The following PDYN variants were observed in gnomAD, a reference collection of about 807,000 sequenced individuals.
The protein encoded by PDYN is prodynorphin, also known as proenkephalin-B.
Under a neutral mutation model 11.4 loss-of-function variants are expected in PDYN, and 5 were observed. That is an observed-to-expected ratio of 0.44 (90% CI 0.23 to 0.92). The LOEUF is 0.92. PDYN is among the 40% of genes least tolerant of loss of function. PDYN has a pLI of 0.24. For missense variants in PDYN, 337 were observed against 317.3 expected (o/e 1.06, Z -0.47); for synonymous variants, 132 against 129.5 (o/e 1.02, Z -0.13).
chr20:1,982,970 G>C lies in PDYN; in HGVS notation c.115C>G (p.Pro39Ala). 6.2e-7 allele frequency: 1 copy of C among 1,613,984 alleles called. No individual in the cohort carries two copies. The highest frequency in any genetic ancestry group is 1.1e-5 in the South Asian group (1 of 91,072). Reference protein sequence around the residue: ...CAVKTQDGPKPINPLICSLQC... With the variant: ...CAVKTQDGPKAINPLICSLQC... Reference sequence around the variant, plus strand: ...CTGAAACCTACCAGGGGATTGATAGGTTTGGGACCATCCTGGGTCTTTACA... The same window carrying C: ...CTGAAACCTACCAGGGGATTGATAGCTTTGGGACCATCCTGGGTCTTTACA... Residue 39 changes from proline (P) to alanine (A), a missense_variant, in exon 3 of 4, where the codon CCT becomes GCT. Pro to Ala is a conservative substitution (Grantham distance 27). Coordinates refer to ENST00000217305, the MANE Select transcript of PDYN (RefSeq NM_024411.5).
At chr20:1,991,443 A>C (rs1988443478) in intron 2 of PDYN, among the ~76,000 whole-genome samples, 1 of 152,170 alleles carries the variant, frequency 6.6e-6, no homozygotes, top group African/African-American at 2.4e-5. Flanking sequence ...CAGGAGCATC[A>C]GTCTGGATCC....
chr20:1,986,392 C>T (rs531462999), intron 2 of PDYN, among the ~76,000 whole-genome samples: 66 of 152,288 alleles, frequency 4.3e-4, no homozygotes, highest in African/African-American at 1.5e-3. Context: ...CTGGAGTAGC[C>T]TCCAATCTTT....
At chr20:1,989,066 C>A (rs1401865348) in intron 2 of PDYN, among the ~76,000 whole-genome samples, 1 of 152,196 alleles carries the variant, frequency 6.6e-6, no homozygotes, top group Non-Finnish European at 1.5e-5. Flanking sequence ...GGTTTGCTGA[C>A]CGTACTTTGA....
intron 3 of PDYN, among the ~76,000 whole-genome samples, chr20:1,981,966 T>TAAATAAA (rs1218931315): frequency 9.3e-6 from 1 of 107,096 alleles, no homozygotes; most frequent in Non-Finnish European, 1.8e-5. Context: ...AAATAAATAA[T>TAAATAAA]AACTTCTGGC....
intron 3 of PDYN, among the ~76,000 whole-genome samples, chr20:1,981,674 C>G (rs559846262): frequency 6.6e-6 from 1 of 152,144 alleles, no homozygotes; most frequent in East Asian, 1.9e-4. Context: ...GCCTGTAATC[C>G]CAGCACTTTG....
intron 2 of PDYN, among the ~76,000 whole-genome samples, chr20:1,984,405 C>T (rs772384127): frequency 6.6e-5 from 10 of 152,138 alleles, no homozygotes; most frequent in Non-Finnish European, 1.2e-4. Context: ...TCATAGTCTC[C>T]TATCTATCTG....
chr20:1,980,137 C>T lies in PDYN; in HGVS notation c.*186G>A. On this transcript the variant is annotated 3_prime_UTR_variant, in exon 4 of 4. Transcript: ENST00000217305. ...TGTGGGGAAGGGACATCCACCCTTC[C>T]CCATCACAGACCCCAGAGAAATAAC... 1.4e-6 allele frequency: 1 copy of T among 694,964 alleles called. No individual in the cohort carries two copies. Among genetic ancestry groups the T allele is most frequent in the Non-Finnish European group, 2.5e-6 (1 of 396,902 alleles). The allele number at this position is 694,964 out of a possible 1,614,324, so 43.0% of individuals were successfully genotyped here. A position where few individuals can be genotyped will look rare whatever the true frequency, so the allele number is the denominator to read the frequency against.
chr20:1,981,486 G>A (rs887241857), intron 3 of PDYN, among the ~76,000 whole-genome samples: 4 of 152,146 alleles, frequency 2.6e-5, no homozygotes, highest in South Asian at 2.1e-4. Flanking sequence ...TCATAATGAC[G>A]ATGACAATAG....
chr20:1,987,249 A>G (rs1366720391), intron 2 of PDYN, among the ~76,000 whole-genome samples: 1 of 69,058 alleles, frequency 1.4e-5, no homozygotes, highest in African/African-American at 7.7e-5. Context: ...TGAGTGATTG[A>G]TGAATGAATG....
At chr20:1,984,432 G>A (rs1988042531) in intron 2 of PDYN, among the ~76,000 whole-genome samples, 1 of 152,120 alleles carries the variant, frequency 6.6e-6, no homozygotes, top group African/African-American at 2.4e-5. Context: ...GGTTGTTGTT[G>A]GTGGTGTGTA....
In PDYN at chr20:1,980,870, G is replaced by A. The variant is rs773291582; in HGVS notation, c.218C>T (p.Thr73Ile). The change falls in exon 4 of 4, where the codon ACC becomes ATC. Residue 73 changes from threonine to isoleucine, a missense_variant. Thr to Ile is a moderately conservative substitution (Grantham distance 89, BLOSUM62 -1). Transcript: ENST00000217305. ...GTCCTCCTTGTCATTGAGCCCAAGGGTGGAGGGGGTGAAAAAAGACAGAAA... is the reference window on the plus strand; with the variant it reads ...GTCCTCCTTGTCATTGAGCCCAAGGATGGAGGGGGTGAAAAAAGACAGAAA... The part of the protein sequence containing the change: ...QSFLSFFTPS[T>I]LGLNDKEDLG... The A allele has an allele frequency of 4.3e-6, 7 of 1,614,226 alleles. No individual in the cohort carries two copies. The highest frequency in any genetic ancestry group is 2.2e-5 in the East Asian group (1 of 44,886).
intron 3 of PDYN, among the ~76,000 whole-genome samples, chr20:1,981,930 A>AT (rs1300424451): frequency 2.8e-5 from 4 of 140,676 alleles, no homozygotes; most frequent in African/African-American, 1.2e-4. Flanking sequence ...TGTCTCAAAC[A>AT]AAAATAAATA....
At chr20:1,984,423 G>A (rs114378236) in intron 2 of PDYN, among the ~76,000 whole-genome samples, 120 of 152,230 alleles carry the variant, frequency 7.9e-4, no homozygotes, top group African/African-American at 2.9e-3. Flanking sequence ...CTGATGCTTG[G>A]TTGTTGTTGG....
At chr20:1,982,764 C>T (rs1029227897) in intron 3 of PDYN, among the ~76,000 whole-genome samples, 192 bp downstream of exon 3, 5 of 152,182 alleles carry the variant, frequency 3.3e-5, no homozygotes, top group Admixed American at 6.5e-5. Flanking sequence ...CCCATGATGG[C>T]GAGGTCTGGA....
At chr20:1,990,903 A>C (rs1988409122) in intron 2 of PDYN, among the ~76,000 whole-genome samples, 1 of 151,670 alleles carries the variant, frequency 6.6e-6, no homozygotes, top group Non-Finnish European at 1.5e-5. Flanking sequence ...ACAGAAAAAG[A>C]GACCGAGACA....
intron 2 of PDYN, among the ~76,000 whole-genome samples, chr20:1,984,124 G>A (rs750654418): frequency 1.1e-4 from 17 of 152,142 alleles, no homozygotes; most frequent in Non-Finnish European, 1.5e-4. Context: ...TTAGCTATGC[G>A]AGTCTTCAGG....
chr20:1,982,992 T>A lies in PDYN; in HGVS notation c.93A>T (p.Val31=). 6.2e-7 allele frequency: 1 copy of A among 1,614,064 alleles called. No individual in the cohort carries two copies. Among genetic ancestry groups the A allele is most frequent in the Non-Finnish European group, 8.5e-7 (1 of 1,179,946 alleles). The change falls in exon 3 of 4, where the codon GTA becomes GTT. Residue 31 remains valine (V), a synonymous_variant. Coordinates refer to ENST00000217305, the MANE Select transcript of PDYN (RefSeq NM_024411.5). Reference sequence around the variant, plus strand: ...TAGGTTTGGGACCATCCTGGGTCTTTACAGCACACAAGGAGCACCGCGACA... The same window carrying A: ...TAGGTTTGGGACCATCCTGGGTCTTAACAGCACACAAGGAGCACCGCGACA... ...DCLSRCSLCA[V]KTQDGPKPIN...
rs1350555755 is a variant in PDYN, at chr20:1,983,097, A to G, written c.-13T>C. 19 of 1,612,522 alleles carry G rather than the reference A, an allele frequency of 1.2e-5. No homozygotes were observed. In the Admixed American group the frequency reaches 2.7e-4, roughly 23 times the overall value. ...CCTGCCAGGCCATCCTGTCTCAGCA[A>G]TTCCTGCTGGGGAGGAAGAAAGAGA... is the stretch of plus-strand genomic sequence containing the variant. On this transcript the variant is annotated 5_prime_UTR_variant, in exon 3 of 4. Transcript: ENST00000217305.
In PDYN at chr20:1,982,088, C is replaced by T. The variant is rs184676149; in HGVS notation, c.129+868G>A. Among the ~76,000 whole-genome samples, 27 of 151,696 alleles carry T rather than the reference C, an allele frequency of 1.8e-4. No homozygotes were observed. The East Asian group carries it at 4.7e-3, about 26-fold the overall frequency. On this transcript the variant is annotated intron_variant, in intron 3 of 3. Transcript: ENST00000217305. Reference sequence around the variant, plus strand: ...CCTGGCCAGCATGGTGAAACCCCGTCTCTACTAAAAATACAAAAATTAGCC... The same window carrying T: ...CCTGGCCAGCATGGTGAAACCCCGTTTCTACTAAAAATACAAAAATTAGCC...
Sources: gnomAD v4.1 joint callset for allele counts (sites outside exome capture counted in the v4.1 genomes callset) on GRCh38, gnomAD v4.1.1 for gene constraint, MANE v1.5 for transcripts, NCBI Gene and HGNC (gene_info 2026-07-23, HGNC 2026-07-21) for gene names.